Variants in MGAM2 observed in about 807,000 individuals in gnomAD.
MGAM2 encodes the protein maltase-glucoamylase 2 (putative), also known as probable maltase-glucoamylase 2.
MGAM2 carries 98 observed loss-of-function variants against 96.1 expected under a neutral mutation model. The observed-to-expected ratio is 1.02, with a 90% confidence interval of 0.87 to 1.21. The LOEUF (loss-of-function observed/expected upper bound fraction) is 1.21. MGAM2 is among the 50% of genes most tolerant of loss of function. The probability of loss-of-function intolerance (pLI) is 0.00; values close to 1 mark genes in which losing one functional copy is unlikely to be tolerated. For missense variants in MGAM2, 2,055 were observed against 1,182.4 expected, an observed-to-expected ratio of 1.74 and a Z score of -10.82; for synonymous variants, 749 against 414.8, an observed-to-expected ratio of 1.81 and a Z score of -9.79.
At chr7:142,132,881 T>C (rs1794941694) in intron 6 of MGAM2, among the ~76,000 whole-genome samples, 1 of 129,650 alleles carries the variant, frequency 7.7e-6, no homozygotes, top group African/African-American at 3.0e-5. Context: ...AAATATAATA[T>C]ATAATATATA....
At chr7:142,201,077 T>C (rs150123691) in intron 45 of MGAM2, among the ~76,000 whole-genome samples, 2,030 of 121,332 alleles carry the variant, frequency 0.017, 37 homozygotes, top group Non-Finnish European at 0.026. Context: ...TTTTCTTTTT[T>C]TTTTCTTTTT....
chr7:142,115,441 A>G (rs924094664), intron 1 of MGAM2, among the ~76,000 whole-genome samples: 11 of 152,234 alleles, frequency 7.2e-5, no homozygotes, highest in African/African-American at 2.7e-4. Context: ...AAGTTAAATA[A>G]TCAATACTGA....
chr7:142,143,552 T>C (rs1225028100), intron 12 of MGAM2, among the ~76,000 whole-genome samples: 3 of 152,228 alleles, frequency 2.0e-5, no homozygotes, highest in Non-Finnish European at 2.9e-5. Context: ...AAAGGACTTA[T>C]GGTGGCTTTT....
rs562795736 is a variant in MGAM2 at position 142,155,688 on chromosome 7, A to T, written c.1923+843A>T. ...ATGTCTTAAGCAGGTGGCTGGGAGC[A>T]GGTGGGTGGGTGCTCTTCATGAAGC... On this transcript the variant is annotated intron_variant, in intron 17 of 47. Coordinates refer to ENST00000477922, the MANE Select transcript of MGAM2 (RefSeq NM_001293626.2). Among the ~76,000 whole-genome samples, 3 of 152,316 alleles carry T rather than the reference A, an allele frequency of 2.0e-5. No individual in the cohort carries two copies. In the East Asian group the frequency reaches 5.8e-4, roughly 29 times the overall value.
At chr7:142,133,042 GT>G (rs1794947880) in intron 6 of MGAM2, among the ~76,000 whole-genome samples, 1 of 127,710 alleles carries the variant, frequency 7.8e-6, no homozygotes, top group Admixed American at 8.1e-5. Context: ...ATTATATTTA[GT>G]TTTAATTTAA....
intron 47 of MGAM2, 51 bp downstream of exon 47, chr7:142,218,582 C>T (rs1401326439): frequency 3.7e-6 from 2 of 540,394 alleles, no homozygotes; most frequent in Admixed American, 6.8e-5. Context: ...TATCATTCTG[C>T]AAAATTATCA....
chr7:142,127,592 G>A (rs1794763760), intron 3 of MGAM2, among the ~76,000 whole-genome samples: 1 of 151,994 alleles, frequency 6.6e-6, no homozygotes, highest in South Asian at 2.1e-4. Flanking sequence ...TGTGTCAAGG[G>A]TGGGCCAGGT....
Position 142,140,888 on chromosome 7 carries a change from T to C in MGAM2, c.1173T>C (p.Phe391=), listed in dbSNP as rs1295944767. 2.8e-6 allele frequency: 2 copies of C among 702,988 alleles called. No individual in the cohort carries two copies. Among genetic ancestry groups the C allele is most frequent in the Admixed American group, 4.0e-5 (2 of 50,012 alleles). The allele number at this position is 702,988 out of a possible 1,614,324, so 43.5% of individuals were successfully genotyped here. The change falls in exon 11 of 48, where the codon TTT becomes TTC. Residue 391 remains phenylalanine, a synonymous_variant. Transcript: ENST00000477922. ...TCGCTTACTCTGGTCTCCCAGATTT[T>C]GTCAAGGAGTTACATGACAATGGAC... The part of the protein sequence containing the change: ...DEVAYSGLPD[F]VKELHDNGQK...
At chr7:142,209,444 A>G (rs1212599857) in intron 46 of MGAM2, among the ~76,000 whole-genome samples, 1 of 152,224 alleles carries the variant, frequency 6.6e-6, no homozygotes, top group Non-Finnish European at 1.5e-5. Context: ...GATGCAATCA[A>G]TGCACCTTGC....
rs1795092239 is a variant in MGAM2 at position 142,137,451 on chromosome 7, C to T, written c.866C>T (p.Ala289Val). 1 of 699,926 alleles carries T rather than the reference C, an allele frequency of 1.4e-6. No homozygotes were observed. The highest frequency in any genetic ancestry group is 2.6e-6 in the Non-Finnish European group (1 of 383,498). 43.4% of individuals were successfully genotyped at this position (699,926 alleles called of 1,614,324 possible). ...SNAMEVTLQP[A>V]PAITYRTIGG... Reference sequence around the variant, plus strand: ...TTTTCAGAGGTTACCCTTCAGCCAGCTCCTGCGATCACTTATCGCACGATT... The same window carrying T: ...TTTTCAGAGGTTACCCTTCAGCCAGTTCCTGCGATCACTTATCGCACGATT... Residue 289 changes from alanine to valine, a missense_variant, in exon 9 of 48, where the codon GCT becomes GTT. Physicochemically the swap from Ala to Val is moderately conservative, Grantham distance 64. Transcript: ENST00000477922.
In MGAM2 at chr7:142,120,540, G is replaced by T. The variant is rs567401349; in HGVS notation, c.186+159G>T. On this transcript the variant is annotated intron_variant, in intron 3 of 47. Transcript: ENST00000477922. ...TTATTGAAATAACAATATTAAGATCGTGAGGGAAGCAGGGTTGAAAAAAAG... is the reference window on the plus strand; with the variant it reads ...TTATTGAAATAACAATATTAAGATCTTGAGGGAAGCAGGGTTGAAAAAAAG... Among the ~76,000 whole-genome samples the T allele has an allele frequency of 4.5e-4, 69 of 151,950 alleles. 5 individuals are homozygous for T. Among genetic ancestry groups the T allele is most frequent in the Non-Finnish European group, 2.9e-5 (2 of 67,970 alleles).
chr7:142,159,715 G>A, intron 20 of MGAM2, among the ~76,000 whole-genome samples: 1 of 152,048 alleles, frequency 6.6e-6, no homozygotes, highest in South Asian at 2.1e-4. Flanking sequence ...CTATCACTCT[G>A]GGTATTAAGT....
intron 32 of MGAM2, among the ~76,000 whole-genome samples, chr7:142,181,065 CA>C (rs1218063804): frequency 6.6e-6 from 1 of 152,138 alleles, no homozygotes; most frequent in African/African-American, 2.4e-5. Flanking sequence ...GGTTAGAAAC[CA>C]TTGCTGGGGA....
rs1464476254 is a variant in MGAM2, at chr7:142,120,333, T to C, written c.138T>C (p.Ile46=). 1 of 703,094 alleles carries C rather than the reference T, an allele frequency of 1.4e-6. No homozygotes were observed. Among genetic ancestry groups the C allele is most frequent in the South Asian group, 1.5e-5 (1 of 67,582 alleles). The allele number at this position is 703,094 out of a possible 1,614,324, so 43.6% of individuals were successfully genotyped here. A position where few individuals can be genotyped will look rare whatever the true frequency, so the allele number is the denominator to read the frequency against. The change falls in exon 3 of 48, where the codon ATT becomes ATC. Residue 46 remains isoleucine (I), a synonymous_variant. Transcript: ENST00000477922. ...CATTTACTCCAGAGTGCCCAGAGAT[T>C]CCCCAGTCGGAAAGGATAGACTGCA... is the stretch of plus-strand genomic sequence containing the variant. ...DTSFTPECPE[I]PQSERIDCTP...
At chr7:142,115,836 C>T (rs28505214) in intron 1 of MGAM2, among the ~76,000 whole-genome samples, 25,785 of 152,086 alleles carry the variant, frequency 0.17, 2,544 homozygotes, top group East Asian at 0.36. Context: ...AAGAGTGAAA[C>T]TCCATCTCAA....
intron 46 of MGAM2, among the ~76,000 whole-genome samples, chr7:142,209,104 C>T (rs1797499950): frequency 6.6e-6 from 1 of 151,994 alleles, no homozygotes. Context: ...AGTCTTGGGT[C>T]TATTGGGCTG....
chr7:142,209,463 T>G (rs200719685), intron 46 of MGAM2, among the ~76,000 whole-genome samples: 1 of 152,226 alleles, frequency 6.6e-6, no homozygotes, highest in African/African-American at 2.4e-5. Flanking sequence ...GCATATTAAA[T>G]GATCCCATTG....
intron 45 of MGAM2, among the ~76,000 whole-genome samples, chr7:142,205,655 A>G (rs1797381365): frequency 6.6e-6 from 1 of 152,170 alleles, no homozygotes; most frequent in Non-Finnish European, 1.5e-5. Flanking sequence ...TTGTAAAATT[A>G]AAGTGTCCTT....
In MGAM2 at chr7:142,159,232, T is replaced by A; in HGVS notation, c.2164-55T>A. On this transcript the variant is annotated intron_variant, in intron 19 of 47. Transcript: ENST00000477922. ...ACATGTAATGATGCCTGGAGGTGTTTTGTAAACTGTAGAGAGGGGTATGCT... is the reference window on the plus strand; with the variant it reads ...ACATGTAATGATGCCTGGAGGTGTTATGTAAACTGTAGAGAGGGGTATGCT... 5.7e-6 allele frequency: 4 copies of A among 697,484 alleles called. No homozygotes were observed. In the South Asian group the frequency reaches 6.0e-5, roughly 10 times the overall value. The allele number at this position is 697,484 out of a possible 1,614,324, so 43.2% of individuals were successfully genotyped here.
Sources: gnomAD v4.1 joint callset for allele counts (sites outside exome capture counted in the v4.1 genomes callset) on GRCh38, gnomAD v4.1.1 for gene constraint, MANE v1.5 for transcripts, NCBI Gene and HGNC (gene_info 2026-07-23, HGNC 2026-07-21) for gene names.